CYFIP2: variants seen among roughly 807,000 people sequenced by gnomAD.
CYFIP2 encodes cytoplasmic FMR1-interacting protein 2.
Under a neutral mutation model 158.7 loss-of-function variants are expected in CYFIP2, and 29 were observed. The ratio of observed to expected loss-of-function variants is 0.18; its 90% CI spans 0.14 to 0.25. The LOEUF is 0.25. CYFIP2 is among the 10% of genes least tolerant of loss of function. The pLI, the probability that CYFIP2 is intolerant of heterozygous loss-of-function variation, is 1.00. For synonymous variants in CYFIP2, 585 were observed against 617.6 expected, an observed-to-expected ratio of 0.95 and a Z score of 0.78; for missense variants, 852 against 1,639.5, an observed-to-expected ratio of 0.52 and a Z score of 8.29.
chr5:157,334,686 T>A (rs992247778), intron 21 of CYFIP2, among the ~76,000 whole-genome samples: 2 of 146,320 alleles, frequency 1.4e-5, no homozygotes, highest in Non-Finnish European at 1.5e-5. Flanking sequence ...GAGTTCCATT[T>A]AAAAAAAAAA....
At chr5:157,369,757 A>G (rs684291) in intron 26 of CYFIP2, among the ~76,000 whole-genome samples, 99,917 of 152,040 alleles carry the variant, frequency 0.66, 33,884 homozygotes, top group African/African-American at 0.74. Context: ...CCAGGGAGGC[A>G]GTGCAGGTTA....
At chr5:157,344,478 G>A (rs1444457193) in intron 23 of CYFIP2, among the ~76,000 whole-genome samples, 1 of 152,188 alleles carries the variant, frequency 6.6e-6, no homozygotes, top group Non-Finnish European at 1.5e-5. Context: ...TTTAGTTACA[G>A]ACGTTATCGC....
intron 27 of CYFIP2, 101 bp downstream of exon 27, chr5:157,382,763 T>C (rs1447918342): frequency 3.2e-6 from 4 of 1,247,246 alleles, no homozygotes; most frequent in Non-Finnish European, 3.4e-6. Context: ...AGGGGGAAGG[T>C]TAAAGCTTTG....
chr5:157,389,065 C>G (rs1766991907), intron 28 of CYFIP2, 124 bp from the exon 29 acceptor site: 3 of 882,702 alleles, frequency 3.4e-6, no homozygotes, highest in Non-Finnish European at 5.1e-6. Flanking sequence ...CTGCTCTGAA[C>G]AAGACCAGTT....
At chr5:157,336,157 C>A (rs1262007119) in intron 21 of CYFIP2, among the ~76,000 whole-genome samples, 1 of 152,122 alleles carries the variant, frequency 6.6e-6, no homozygotes, top group Non-Finnish European at 1.5e-5. Context: ...CCTTTCCCTC[C>A]ACCTGAAAAA....
chr5:157,268,861 T>C (rs1282399254), intron 1 of CYFIP2, among the ~76,000 whole-genome samples: 2 of 152,102 alleles, frequency 1.3e-5, no homozygotes, highest in African/African-American at 4.8e-5. Flanking sequence ...AGTGAGATGG[T>C]GGGAGAAGGG....
chr5:157,375,296 T>C (rs10078591), intron 26 of CYFIP2, among the ~76,000 whole-genome samples: 87 of 152,270 alleles, frequency 5.7e-4, no homozygotes, highest in African/African-American at 1.9e-3. Flanking sequence ...TATTGCTCTA[T>C]TATACTCTGC....
Position 157,306,016 on chromosome 5 carries a change from A to C in CYFIP2, c.795+1650A>C, listed in dbSNP as rs140470231. Among the ~76,000 whole-genome samples the C allele has an allele frequency of 2.4e-3, 359 of 152,246 alleles. 2 individuals carry two copies. Among genetic ancestry groups the C allele is most frequent in the African/African-American group, 8.1e-3 (338 of 41,538 alleles). On this transcript the variant is annotated intron_variant, in intron 8 of 30. Transcript: ENST00000620254. ...CCATTGTTAGCTTAGGTTGTCTCTAACTTATGCCCCACAGCTGTAGCACTG... is the reference window on the plus strand; with the variant it reads ...CCATTGTTAGCTTAGGTTGTCTCTACCTTATGCCCCACAGCTGTAGCACTG...
At chr5:157,328,930 T>A (rs1052614733) in intron 19 of CYFIP2, among the ~76,000 whole-genome samples, 1 of 152,208 alleles carries the variant, frequency 6.6e-6, no homozygotes, top group African/African-American at 2.4e-5. Context: ...TGTAACAGCA[T>A]TGATCGAGGA....
At chr5:157,319,029 C>T (rs1047329145) in intron 13 of CYFIP2, among the ~76,000 whole-genome samples, 2 of 152,174 alleles carry the variant, frequency 1.3e-5, no homozygotes, top group Non-Finnish European at 2.9e-5. Context: ...CGCCTCCCTT[C>T]CTCGGGATGG....
chr5:157,305,158 C>T (rs968750394), intron 8 of CYFIP2, among the ~76,000 whole-genome samples: 17 of 152,024 alleles, frequency 1.1e-4, no homozygotes, highest in Admixed American at 7.2e-4. Context: ...TGTTGGTTGA[C>T]GGGCATTTAG....
chr5:157,368,436 G>T (rs932960573), intron 26 of CYFIP2, among the ~76,000 whole-genome samples: 7 of 151,732 alleles, frequency 4.6e-5, no homozygotes, highest in African/African-American at 1.7e-4. Flanking sequence ...TCACTCTGAG[G>T]GAAAAAAAAC....
intron 26 of CYFIP2, among the ~76,000 whole-genome samples, chr5:157,378,815 TGAAGA>T (rs1765757551): frequency 6.6e-6 from 1 of 152,232 alleles, no homozygotes. Flanking sequence ...TCTCCTTCTC[TGAAGA>T]GAAAAGTGGT....
chr5:157,292,678 A>G (rs904268790), intron 3 of CYFIP2, among the ~76,000 whole-genome samples: 2 of 152,200 alleles, frequency 1.3e-5, no homozygotes, highest in African/African-American at 4.8e-5. Flanking sequence ...TAATGCTGCT[A>G]TGAACATTTG....
chr5:157,390,141 C>T (rs574559543), intron 29 of CYFIP2, among the ~76,000 whole-genome samples: 7 of 152,298 alleles, frequency 4.6e-5, no homozygotes, highest in African/African-American at 1.4e-4. Context: ...CCCTCACCTG[C>T]TAGGTGTTCT....
intron 23 of CYFIP2, among the ~76,000 whole-genome samples, chr5:157,357,788 C>CTAG (rs1763513101): frequency 6.6e-6 from 1 of 151,852 alleles, no homozygotes; most frequent in Non-Finnish European, 1.5e-5. Context: ...GAGATCGCAC[C>CTAG]CCTGCACTCT....
intron 24 of CYFIP2, among the ~76,000 whole-genome samples, chr5:157,360,039 T>A (rs983429043): frequency 2.0e-5 from 3 of 152,226 alleles, no homozygotes; most frequent in Admixed American, 1.3e-4. Context: ...GCTATAAGCA[T>A]CCTCAGCCCC....
intron 23 of CYFIP2, among the ~76,000 whole-genome samples, chr5:157,353,824 T>C (rs1208101136): frequency 2.6e-5 from 4 of 152,222 alleles, no homozygotes. Context: ...TCTTGGGATC[T>C]CTGAAAACAG....
intron 8 of CYFIP2, among the ~76,000 whole-genome samples, chr5:157,307,542 T>C (rs563421465): frequency 6.6e-6 from 1 of 152,288 alleles, no homozygotes; most frequent in South Asian, 2.1e-4. Flanking sequence ...GCTGCTGTAG[T>C]AATACACTAA....
Sources: allele counts gnomAD v4.1 joint callset (sites outside exome capture counted in the v4.1 genomes callset), GRCh38; gene constraint gnomAD v4.1.1; transcripts MANE v1.5; gene names NCBI Gene and HGNC (gene_info 2026-07-23, HGNC 2026-07-21).